XRCC4: variants seen among roughly 807,000 people sequenced by gnomAD.
The protein encoded by XRCC4 is DNA repair protein XRCC4.
Under a neutral mutation model 39.1 loss-of-function variants are expected in XRCC4, and 28 were observed. That is an observed-to-expected ratio of 0.72 (90% CI 0.53 to 0.98). The LOEUF (loss-of-function observed/expected upper bound fraction) is 0.98. Ranked by LOEUF, XRCC4 falls within the 50% of genes least tolerant of loss-of-function variation. XRCC4 has a pLI of 0.00. For missense variants in XRCC4, 350 were observed against 376.4 expected (o/e 0.93, Z 0.58); for synonymous variants, 123 against 126.4 (o/e 0.97, Z 0.18).
chr5:83,088,366 C>A (rs1464662205), intron 1 of XRCC4, among the ~76,000 whole-genome samples: 1 of 151,088 alleles, frequency 6.6e-6, no homozygotes, highest in African/African-American at 2.4e-5. Context: ...CTTTTTTTTT[C>A]TGATCTGCTA....
At chr5:83,297,279 C>G (rs1373940007) in intron 7 of XRCC4, among the ~76,000 whole-genome samples, 2 of 151,878 alleles carry the variant, frequency 1.3e-5, no homozygotes, top group African/African-American at 4.8e-5. Flanking sequence ...GAACCTCTTT[C>G]ATATTGAGTG....
intron 3 of XRCC4, among the ~76,000 whole-genome samples, chr5:83,192,915 T>G (rs1432306591): frequency 6.6e-6 from 1 of 152,178 alleles, no homozygotes; most frequent in Non-Finnish European, 1.5e-5. Flanking sequence ...AAAGAACAGC[T>G]GTGACAGTAA....
intron 6 of XRCC4, among the ~76,000 whole-genome samples, chr5:83,221,972 T>C (rs967042273): frequency 6.6e-6 from 1 of 151,914 alleles, no homozygotes; most frequent in Non-Finnish European, 1.5e-5. Context: ...CTTCTTTATC[T>C]GATAGTAGTA....
At chr5:83,341,049 C>G (rs1756742214) in intron 7 of XRCC4, among the ~76,000 whole-genome samples, 1 of 152,036 alleles carries the variant, frequency 6.6e-6, no homozygotes. Context: ...ACAGCCTATT[C>G]CAGAAGACAC....
At chr5:83,156,807 A>G (rs1277803479) in intron 3 of XRCC4, among the ~76,000 whole-genome samples, 1 of 152,140 alleles carries the variant, frequency 6.6e-6, no homozygotes, top group East Asian at 1.9e-4. Context: ...AGTGGTATGG[A>G]GAAAGGGTAT....
intron 7 of XRCC4, among the ~76,000 whole-genome samples, chr5:83,339,284 C>T (rs1482054823): frequency 6.6e-6 from 1 of 152,164 alleles, no homozygotes; most frequent in Non-Finnish European, 1.5e-5. Flanking sequence ...AGAACACCTT[C>T]CAGAATTTGA....
At chr5:83,357,842 C>A (rs1402555733), downstream of XRCC4, among the ~76,000 whole-genome samples, 2 of 152,090 alleles carry the variant, frequency 1.3e-5, no homozygotes, top group Non-Finnish European at 2.9e-5. Flanking sequence ...GCAACCCTTG[C>A]CTTTTCATGT....
Position 83,187,749 on chromosome 5 carries a change from T to C in XRCC4, c.316-8021T>C, listed in dbSNP as rs572289579. Among the ~76,000 whole-genome samples the C allele has an allele frequency of 2.6e-4, 40 of 152,340 alleles. No homozygotes were observed. In the South Asian group the frequency reaches 5.2e-3, roughly 20 times the overall value. The stretch of plus-strand genomic sequence containing the variant: ...ATGAGATGATAGATTCTGTATCTTA[T>C]CTGTTTTTGGTGTATCCGTACTGCC... On this transcript the variant is annotated intron_variant, in intron 3 of 7. Coordinates refer to ENST00000396027, the MANE Select transcript of XRCC4 (RefSeq NM_003401.5).
intron 7 of XRCC4, among the ~76,000 whole-genome samples, chr5:83,266,966 A>G (rs1235915034): frequency 1.3e-5 from 2 of 152,184 alleles, no homozygotes; most frequent in African/African-American, 2.4e-5. Flanking sequence ...TGAATAGCAC[A>G]CATACGTTGT....
chr5:83,309,299 ATATATAT>A, intron 7 of XRCC4, among the ~76,000 whole-genome samples: 18 of 77,114 alleles, frequency 2.3e-4, no homozygotes, highest in African/African-American at 7.8e-4. Flanking sequence ...AAAAAAAAAT[ATATATAT>A]ATATATATAT....
At chr5:83,274,223 A>C (rs1754246277) in intron 7 of XRCC4, among the ~76,000 whole-genome samples, 1 of 152,202 alleles carries the variant, frequency 6.6e-6, no homozygotes, top group Non-Finnish European at 1.5e-5. Context: ...ACTGTCTTCC[A>C]AGTCAGGTTA....
At chr5:83,163,718 C>G (rs1377878743) in intron 3 of XRCC4, among the ~76,000 whole-genome samples, 4 of 152,162 alleles carry the variant, frequency 2.6e-5, no homozygotes, top group Non-Finnish European at 5.9e-5. Flanking sequence ...GGCGGGTTGT[C>G]TATTCATCCA....
rs143945470 is a variant in XRCC4 at position 83,144,521 on chromosome 5, TTTTG to T, written c.315+33334_315+33337del. 8.1e-4 allele frequency among the ~76,000 whole-genome samples: 105 copies of T among 129,868 alleles called. 1 individual carries two copies. Among genetic ancestry groups the T allele is most frequent in the Admixed American group, 1.0e-3 (12 of 11,936 alleles). The allele number at this position is 129,868 out of a possible 152,430, so 85.2% of individuals were successfully genotyped here. A position where few individuals can be genotyped will look rare whatever the true frequency, so the allele number is the denominator to read the frequency against. ...AGTGGACTTTTAAAAATGTTTTCTT[TTTTG>T]TTTGTTTGTTTGTTTTGTGTCTCCC... On this transcript the variant is annotated intron_variant, in intron 3 of 7. Transcript: ENST00000396027.
chr5:83,360,959 T>A, the XRCC4 span, among the ~76,000 whole-genome samples: 1 of 152,174 alleles, frequency 6.6e-6, no homozygotes, highest in African/African-American at 2.4e-5. Flanking sequence ...AGTATATTCA[T>A]GAAACAGAAA....
chr5:83,137,025 T>C (rs1405923417), intron 3 of XRCC4, among the ~76,000 whole-genome samples: 1 of 152,162 alleles, frequency 6.6e-6, no homozygotes, highest in Non-Finnish European at 1.5e-5. Flanking sequence ...TATTTCACAT[T>C]GTAGACATAG....
chr5:83,139,988 C>T (rs1166504961), intron 3 of XRCC4, among the ~76,000 whole-genome samples: 3 of 152,130 alleles, frequency 2.0e-5, no homozygotes, highest in Non-Finnish European at 1.5e-5. Flanking sequence ...TTACTCTAGC[C>T]TTTCCTTCTT....
chr5:83,293,770 T>A (rs1755002679), intron 7 of XRCC4, among the ~76,000 whole-genome samples: 1 of 152,062 alleles, frequency 6.6e-6, no homozygotes, highest in South Asian at 2.1e-4. Flanking sequence ...CAGATATTTT[T>A]TGAATTGATA....
chr5:83,293,974 T>C (rs1237902765), intron 7 of XRCC4, among the ~76,000 whole-genome samples: 1 of 152,052 alleles, frequency 6.6e-6, no homozygotes, highest in Non-Finnish European at 1.5e-5. Context: ...ATGACATTAA[T>C]AGCTAACTAA....
intron 7 of XRCC4, among the ~76,000 whole-genome samples, chr5:83,300,378 A>G (rs1159000558): frequency 6.6e-6 from 1 of 152,070 alleles, no homozygotes; most frequent in Non-Finnish European, 1.5e-5. Context: ...TAAGCAGGAG[A>G]TATTAGCTGA....
Sources: allele counts gnomAD v4.1 joint callset (sites outside exome capture counted in the v4.1 genomes callset), GRCh38; gene constraint gnomAD v4.1.1; transcripts MANE v1.5; gene names NCBI Gene and HGNC (gene_info 2026-07-23, HGNC 2026-07-21).